Variants in TBC1D1 observed in about 807,000 individuals in gnomAD.
The protein encoded by TBC1D1 is TBC1 domain family member 1, also known as TBC1 (tre-2/USP6, BUB2, cdc16) domain family, member 1.
Under a neutral mutation model 125.6 loss-of-function variants are expected in TBC1D1, and 89 were observed. The ratio of observed to expected loss-of-function variants is 0.71; its 90% CI spans 0.60 to 0.85. TBC1D1 has a LOEUF of 0.85. Among genes scored for constraint, TBC1D1 ranks in the 40% least tolerant of loss-of-function variants. The pLI, the probability that TBC1D1 is intolerant of heterozygous loss-of-function variation, is 0.00. For synonymous variants in TBC1D1, 565 were observed against 564.1 expected, an observed-to-expected ratio of 1.00 and a Z score of -0.02; for missense variants, 1,377 against 1,469.2, an observed-to-expected ratio of 0.94 and a Z score of 1.03.
At position 38,044,369 on chromosome 4, in the gene TBC1D1, A is replaced by G; in HGVS notation, c.1421A>G (p.Gln474Arg). The change falls in exon 9 of 20, where the codon CAG (glutamine) becomes CGG (arginine). Residue 474 changes from glutamine (Q) to arginine (R), a missense_variant. Transcript: ENST00000261439. ...CGTTTTTCACTTTTTTAGACATCGC[A>G]GATGGCAGCAGAGAATATTGGAAGT... 6.2e-7 allele frequency: 1 copy of G among 1,600,064 alleles called. No homozygotes were observed. The highest frequency in any genetic ancestry group is 8.5e-7 in the Non-Finnish European group (1 of 1,176,716).
chr4:38,133,610 C>T (rs1036288304), intron 19 of TBC1D1, among the ~76,000 whole-genome samples: 1 of 152,184 alleles, frequency 6.6e-6, no homozygotes, highest in East Asian at 1.9e-4. Flanking sequence ...CTTTTAACTT[C>T]TATGAGCAAA....
intron 14 of TBC1D1, among the ~76,000 whole-genome samples, chr4:38,100,470 A>G (rs1760110039): frequency 6.6e-6 from 1 of 152,136 alleles, no homozygotes; most frequent in Non-Finnish European, 1.5e-5. Flanking sequence ...TTGTCACTGG[A>G]TATAGGGCCC....
At chr4:38,133,483 G>T (rs1053842151) in intron 19 of TBC1D1, among the ~76,000 whole-genome samples, 3 of 152,162 alleles carry the variant, frequency 2.0e-5, no homozygotes, top group Non-Finnish European at 4.4e-5. Context: ...TTTCTGAGAG[G>T]CTGTTTCTGC....
chr4:37,959,202 A>C (rs1451410640), intron 2 of TBC1D1, among the ~76,000 whole-genome samples: 2 of 152,092 alleles, frequency 1.3e-5, no homozygotes, highest in African/African-American at 2.4e-5. Context: ...TCGAAAATCC[A>C]CCTATAACCT....
chr4:38,053,256 G>A (rs1751076901), intron 11 of TBC1D1, 31 bp downstream of exon 13: 2 of 1,426,292 alleles, frequency 1.4e-6, no homozygotes, highest in African/African-American at 1.5e-5. Context: ...ATCAAGCCTG[G>A]GTGTTACTAA....
chr4:37,980,514 A>G (rs933840942), intron 2 of TBC1D1, among the ~76,000 whole-genome samples: 1 of 152,242 alleles, frequency 6.6e-6, no homozygotes, highest in African/African-American at 2.4e-5. Flanking sequence ...AGAACTGCCA[A>G]GTAACTTCCA....
chr4:37,940,783 A>G (rs1392004718), intron 2 of TBC1D1, among the ~76,000 whole-genome samples: 1 of 152,160 alleles, frequency 6.6e-6, no homozygotes, highest in African/African-American at 2.4e-5. Context: ...TGAGGTAATC[A>G]TGTGGTTTTT....
At chr4:37,922,522 G>C (rs1718208200) in intron 2 of TBC1D1, among the ~76,000 whole-genome samples, 1 of 152,182 alleles carries the variant, frequency 6.6e-6, no homozygotes. Flanking sequence ...TCATGTGCTA[G>C]TTACTGGTAG....
Position 38,125,122 on chromosome 4 carries a change from CATCA to C in TBC1D1, c.3128_3131del (p.Asn1043ArgfsTer40), listed in dbSNP as rs1490503186. ...TTGGCTTGGTACAGATGGAAAAGAC[CATCA>C]ATCAGGTATGAGTCAGTCCAAACCT... On this transcript the variant is annotated frameshift_variant, in exon 18 of 20. Transcript: ENST00000261439. LOFTEE classifies it high-confidence loss of function. The C allele has an allele frequency of 1.9e-6, 3 of 1,613,954 alleles. No homozygotes were observed. Among genetic ancestry groups the C allele is most frequent in the Non-Finnish European group, 2.5e-6 (3 of 1,179,968 alleles).
Position 37,995,691 on chromosome 4 carries a change from A to C in TBC1D1, c.418-18818A>C. ...GGGTCTCCTTGGAGGCCTTGGCCAC[A>C]GCATCCCCGTGTTCTGAGAAGTATT... is the stretch of plus-strand genomic sequence containing the variant. On this transcript the variant is annotated intron_variant, in intron 2 of 19. Coordinates refer to ENST00000261439, the MANE Select transcript of TBC1D1 (RefSeq NM_015173.4). The surrounding 1 kb of genome is among the most constrained non-coding windows in gnomAD (Gnocchi z 4.3). 1.9e-6 allele frequency: 1 copy of C among 522,598 alleles called. No individual in the cohort carries two copies. The highest frequency in any genetic ancestry group is 3.8e-6 in the Non-Finnish European group (1 of 261,182). 32.4% of individuals were successfully genotyped at this position (522,598 alleles called of 1,614,324 possible).
intron 15 of TBC1D1, among the ~76,000 whole-genome samples, chr4:38,112,429 G>T (rs1762339539): frequency 6.6e-6 from 1 of 152,156 alleles, no homozygotes; most frequent in Non-Finnish European, 1.5e-5. Flanking sequence ...TGGAAACTGG[G>T]TTTTTATAAT....
rs561559573 is a variant in TBC1D1, at chr4:38,056,075, C to T, written c.2050+1737C>T. On this transcript the variant is annotated intron_variant, in intron 12 of 19. Coordinates refer to ENST00000261439, the MANE Select transcript of TBC1D1 (RefSeq NM_015173.4). Reference sequence around the variant, plus strand: ...CTGCTTGCTCCATCATAGAACAGTTCCAAGTTTTCAAACGAGCATTCACAG... The same window carrying T: ...CTGCTTGCTCCATCATAGAACAGTTTCAAGTTTTCAAACGAGCATTCACAG... Among the ~76,000 whole-genome samples the T allele has an allele frequency of 1.9e-4, 29 of 152,328 alleles. No individual in the cohort carries two copies. In the South Asian group the frequency reaches 4.6e-3, roughly 24 times the overall value.
At chr4:37,914,106 C>A (rs987959086) in intron 2 of TBC1D1, among the ~76,000 whole-genome samples, 3 of 152,176 alleles carry the variant, frequency 2.0e-5, no homozygotes, top group African/African-American at 7.2e-5. Context: ...AGAACTTGGT[C>A]TCCTACATTT....
At chr4:38,020,760 T>C in intron 5 of TBC1D1, 65 bp downstream of exon 5, 1 of 1,408,380 alleles carries the variant, frequency 7.1e-7, no homozygotes, top group Non-Finnish European at 1.0e-6. Context: ...CTCCACTGAT[T>C]TTTCTGTCCT....
At chr4:38,002,013 T>C (rs1739182104) in intron 2 of TBC1D1, among the ~76,000 whole-genome samples, 1 of 152,222 alleles carries the variant, frequency 6.6e-6, no homozygotes, top group South Asian at 2.1e-4. Context: ...TTCACCAGGC[T>C]GTGAGAGGGG....
intron 2 of TBC1D1, among the ~76,000 whole-genome samples, chr4:37,975,778 T>C (rs1408466148): frequency 6.6e-6 from 1 of 152,212 alleles, no homozygotes; most frequent in Non-Finnish European, 1.5e-5. Flanking sequence ...AGGATTATTA[T>C]AATATTGGAA....
At chr4:38,107,266 G>A (rs560521562) in intron 15 of TBC1D1, among the ~76,000 whole-genome samples, 2 of 152,266 alleles carry the variant, frequency 1.3e-5, no homozygotes, top group South Asian at 4.1e-4. Flanking sequence ...GCCCAGGGAG[G>A]CCTCCCACAG....
At chr4:38,008,840 C>A (rs1169887271) in intron 2 of TBC1D1, among the ~76,000 whole-genome samples, 1 of 152,208 alleles carries the variant, frequency 6.6e-6, no homozygotes, top group Non-Finnish European at 1.5e-5. Context: ...TGGCACCTGT[C>A]ACCTTATATT....
At chr4:38,063,194 A>T (rs1034427923) in intron 12 of TBC1D1, among the ~76,000 whole-genome samples, 5 of 152,236 alleles carry the variant, frequency 3.3e-5, no homozygotes, top group Non-Finnish European at 7.3e-5. Context: ...GTGGACATAC[A>T]TGAACATGAG....
Sources: allele counts gnomAD v4.1 joint callset (sites outside exome capture counted in the v4.1 genomes callset), GRCh38; gene constraint gnomAD v4.1.1; non-coding constraint Gnocchi (gnomAD v3.1); transcripts MANE v1.5; gene names NCBI Gene and HGNC (gene_info 2026-07-23, HGNC 2026-07-21).